The following USP8 variants were observed in gnomAD, a reference collection of about 807,000 sequenced individuals.
USP8 encodes the protein ubiquitin carboxyl-terminal hydrolase 8.
USP8 carries 27 observed loss-of-function variants against 130.0 expected under a neutral mutation model. The ratio of observed to expected loss-of-function variants is 0.21; its 90% CI spans 0.15 to 0.29. The LOEUF is 0.29. Ranked by LOEUF, USP8 falls within the 10% of genes least tolerant of loss-of-function variation. USP8 has a pLI of 1.00. For synonymous variants in USP8, 392 were observed against 444.1 expected, an observed-to-expected ratio of 0.88 and a Z score of 1.48; for missense variants, 1,029 against 1,312.2, an observed-to-expected ratio of 0.78 and a Z score of 3.33.
chr15:50,442,660 A>T (rs2050299265), intron 3 of USP8, among the ~76,000 whole-genome samples: 1 of 152,120 alleles, frequency 6.6e-6, no homozygotes, highest in African/African-American at 2.4e-5. Flanking sequence ...CAGGAGAACC[A>T]CTTGAATCTG....
rs955867921 is a variant in USP8, at chr15:50,471,898, A to G, written c.849+103A>G. 7.5e-5 allele frequency: 90 copies of G among 1,201,130 alleles called. No individual in the cohort carries two copies. The African/African-American group carries it at 1.3e-3, about 17-fold the overall frequency. The allele number at this position is 1,201,130 out of a possible 1,614,324, so 74.4% of individuals were successfully genotyped here. ...TATCTTAAATACTAAAAGATTCATC[A>G]TGCCTTTTTTTTTTTTTTTTGAGAC... On this transcript the variant is annotated intron_variant, in intron 8 of 19. Transcript: ENST00000307179.
chr15:50,505,203 T>C lies in USP8; in HGVS notation c.*6115T>C, dbSNP rs2052642435. On this transcript the variant is annotated 3_prime_UTR_variant, in exon 20 of 20. Transcript: ENST00000307179. ...TTAATGAGACATGAATCTTCACATT[T>C]AGGAAATGCAGCGAGCCAGGGATAA... is the stretch of plus-strand genomic sequence containing the variant. 6.6e-6 allele frequency: 1 copy of C among 152,024 alleles called. No individual in the cohort carries two copies. The allele number at this position is 152,024 out of a possible 1,614,324, so 9.4% of individuals were successfully genotyped here. A position where few individuals can be genotyped will look rare whatever the true frequency, so the allele number is the denominator to read the frequency against.
intron 8 of USP8, 107 bp downstream of exon 8, chr15:50,471,902 C>CTTTT (rs57729947): frequency 4.9e-5 from 43 of 882,776 alleles, no homozygotes; most frequent in African/African-American, 5.6e-5. Context: ...TTCATCATGC[C>CTTTT]TTTTTTTTTT....
At chr15:50,441,101 A>G (rs1183262101) in intron 2 of USP8, among the ~76,000 whole-genome samples, 1 of 152,104 alleles carries the variant, frequency 6.6e-6, no homozygotes, top group African/African-American at 2.4e-5. Context: ...ATGATCTGAC[A>G]GGAGGTGGAG....
intron 4 of USP8, among the ~76,000 whole-genome samples, chr15:50,454,639 G>T (rs2050733620): frequency 6.6e-6 from 1 of 151,766 alleles, no homozygotes; most frequent in Non-Finnish European, 1.5e-5. Context: ...ATTTTTACTA[G>T]AGATAGGGGT....
chr15:50,451,383 C>T (rs1334052768), intron 4 of USP8, among the ~76,000 whole-genome samples: 1 of 152,116 alleles, frequency 6.6e-6, no homozygotes, highest in African/African-American at 2.4e-5. Context: ...TGCACTCTAG[C>T]CTGGGCGACA....
chr15:50,449,204 A>G (rs1178666893), intron 3 of USP8, among the ~76,000 whole-genome samples, 196 bp from the exon 4 acceptor site: 1 of 152,220 alleles, frequency 6.6e-6, no homozygotes, highest in Non-Finnish European at 1.5e-5. Flanking sequence ...TAACTTACTA[A>G]TGGTATGAAG....
intron 7 of USP8, among the ~76,000 whole-genome samples, chr15:50,470,888 AT>A (rs1595950612): frequency 6.6e-6 from 1 of 152,162 alleles, no homozygotes; most frequent in East Asian, 1.9e-4. Flanking sequence ...ATGAGCCACC[AT>A]GCCCAGCCGG....
intron 7 of USP8, among the ~76,000 whole-genome samples, chr15:50,465,824 T>C (rs1391222262): frequency 3.9e-5 from 6 of 152,234 alleles, no homozygotes; most frequent in African/African-American, 7.2e-5. Flanking sequence ...AACTGTCACT[T>C]ACTAGTTGCA....
intron 3 of USP8, among the ~76,000 whole-genome samples, chr15:50,448,295 G>C (rs918284625): frequency 6.6e-6 from 1 of 152,050 alleles, no homozygotes; most frequent in African/African-American, 2.4e-5. Context: ...TTGACATGTT[G>C]TGGCAAATTG....
chr15:50,480,502 A>T (rs8030373), intron 10 of USP8, among the ~76,000 whole-genome samples: 20,794 of 152,172 alleles, frequency 0.14, 1,941 homozygotes, highest in Middle Eastern at 0.28. Flanking sequence ...GTATCAGGGG[A>T]CTTGGCTAGT....
In USP8 at chr15:50,488,739, A is replaced by AT. The variant is rs879657589; in HGVS notation, c.1891-1049dup. 6.3e-3 allele frequency among the ~76,000 whole-genome samples: 888 copies of AT among 140,410 alleles called. 9 individuals carry two copies. Among genetic ancestry groups the AT allele is most frequent in the African/African-American group, 0.018 (697 of 38,590 alleles). 92.1% of individuals were successfully genotyped at this position (140,410 alleles called of 152,430 possible). On this transcript the variant is annotated intron_variant, in intron 12 of 19. Transcript: ENST00000307179. ...ACCACCATGGCTGGCTAATTTTTGG[A>AT]TTTTTTTTTTTTTAGTAGAGATGGG...
At chr15:50,481,054 G>T (rs1446558728) in intron 10 of USP8, among the ~76,000 whole-genome samples, 2 of 151,280 alleles carry the variant, frequency 1.3e-5, no homozygotes, top group East Asian at 3.9e-4. Context: ...TTAGGACCAT[G>T]TTTGTCGGGG....
rs373908960 is a variant in USP8 at position 50,513,883 on chromosome 15, T to C, written c.*14795T>C. 1 of 152,146 alleles carries C rather than the reference T, an allele frequency of 6.6e-6. No homozygotes were observed. Among genetic ancestry groups the C allele is most frequent in the Non-Finnish European group, 1.5e-5 (1 of 68,034 alleles). 9.4% of individuals were successfully genotyped at this position (152,146 alleles called of 1,614,324 possible). A position where few individuals can be genotyped will look rare whatever the true frequency, so the allele number is the denominator to read the frequency against. ...GCAGTATGTACTAAAGCCAGACATATGCGTATTTCTGAACCAGGAGTTTCA... is the reference window on the plus strand; with the variant it reads ...GCAGTATGTACTAAAGCCAGACATACGCGTATTTCTGAACCAGGAGTTTCA... On this transcript the variant is annotated 3_prime_UTR_variant, in exon 20 of 20. Coordinates refer to ENST00000307179, the MANE Select transcript of USP8 (RefSeq NM_005154.5).
In USP8 at chr15:50,477,508, T is replaced by C; in HGVS notation, c.1218+9T>C. Reference sequence around the variant, plus strand: ...TAAAGAATGTTCCACAGGTATGTTCTTGATTTTAACATTATTCTCGCTTTT... The same window carrying C: ...TAAAGAATGTTCCACAGGTATGTTCCTGATTTTAACATTATTCTCGCTTTT... On this transcript the variant is annotated intron_variant, in intron 10 of 19. Coordinates refer to ENST00000307179, the MANE Select transcript of USP8 (RefSeq NM_005154.5). 1 of 1,601,534 alleles carries C rather than the reference T, an allele frequency of 6.2e-7. No individual in the cohort carries two copies. Among genetic ancestry groups the C allele is most frequent in the Non-Finnish European group, 8.5e-7 (1 of 1,173,928 alleles).
Position 50,490,282 on chromosome 15 carries a change from G to A in USP8, c.1991G>A (p.Gly664Glu). 6.2e-7 allele frequency: 1 copy of A among 1,611,316 alleles called. No homozygotes were observed. The highest frequency in any genetic ancestry group is 8.5e-7 in the Non-Finnish European group (1 of 1,179,124). Residue 664 changes from glycine to glutamate, a missense_variant, in exon 14 of 20, where the codon GGA (glycine) becomes GAA (glutamate). Physicochemically the swap from Gly to Glu is moderately conservative, Grantham distance 98. Transcript: ENST00000307179. The stretch of plus-strand genomic sequence containing the variant: ...TCTAAGTTTCTTGACCCAATCACTG[G>A]AACCTTTCGTTATTATCATTCACCC... ...GWAKFLDPIT[G>E]TFRYYHSPTN...
chr15:50,467,016 A>T (rs2051215086), intron 7 of USP8: 1 of 537,558 alleles, frequency 1.9e-6, no homozygotes. Context: ...TGACTTGCAC[A>T]TCCTTTCTGA....
chr15:50,468,258 C>G (rs1297172437), intron 7 of USP8, among the ~76,000 whole-genome samples: 1 of 100,452 alleles, frequency 1.0e-5, no homozygotes, highest in Non-Finnish European at 1.9e-5. Context: ...TTTTTTGAGA[C>G]AGGGTCTTGC....
Position 50,498,549 on chromosome 15 carries a change from C to T in USP8, c.3039-47C>T, listed in dbSNP as rs373366435. On this transcript the variant is annotated intron_variant, in intron 18 of 19. Coordinates refer to ENST00000307179, the MANE Select transcript of USP8 (RefSeq NM_005154.5). The stretch of plus-strand genomic sequence containing the variant: ...TAGATGTTAATGAATGAGGATTCAT[C>T]CTGGTATCTTCCTCTGTCAGTGTAA... 1.2e-5 allele frequency: 18 copies of T among 1,542,308 alleles called. No individual in the cohort carries two copies. In the African/African-American group the frequency reaches 2.5e-4, roughly 21 times the overall value.
Sources: allele counts gnomAD v4.1 joint callset (sites outside exome capture counted in the v4.1 genomes callset), GRCh38; gene constraint gnomAD v4.1.1; transcripts MANE v1.5; gene names NCBI Gene and HGNC (gene_info 2026-07-23, HGNC 2026-07-21).